The following WLS variants were observed in gnomAD, a reference collection of about 807,000 sequenced individuals.
The protein encoded by WLS is Wnt ligand secretion mediator.
In WLS, 23 loss-of-function variants were observed where a neutral mutation model predicts 62.8. That is an observed-to-expected ratio of 0.37 (90% confidence interval 0.26 to 0.52). The LOEUF (loss-of-function observed/expected upper bound fraction) is 0.52, where lower values mean the gene tolerates loss of function less well. Among genes scored for constraint, WLS ranks in the 20% least tolerant of loss-of-function variants. The probability of loss-of-function intolerance (pLI) is 0.92; values close to 1 mark genes in which losing one functional copy is unlikely to be tolerated. For synonymous variants in WLS, 246 were observed against 244.1 expected (o/e 1.01, Z -0.07); for missense variants, 615 against 697.3 (o/e 0.88, Z 1.33).
intron 2 of WLS, chr1:68,162,738 C>T: frequency 8.7e-7 from 1 of 1,144,302 alleles, no homozygotes; most frequent in Admixed American, 1.8e-5. Context: ...CAATTCCGAG[C>T]TCGCTGGCAG....
intron 11 of WLS, among the ~76,000 whole-genome samples, chr1:68,129,209 C>T (rs1646481344): frequency 6.6e-6 from 1 of 152,122 alleles, no homozygotes; most frequent in Non-Finnish European, 1.5e-5. Flanking sequence ...CTGTAAGTCC[C>T]AGCTACTCAG....
At chr1:68,116,139 G>T (rs1220465615) in intron 11 of WLS, among the ~76,000 whole-genome samples, 1 of 152,198 alleles carries the variant, frequency 6.6e-6, no homozygotes, top group Non-Finnish European at 1.5e-5. Flanking sequence ...GAGAAGCAGG[G>T]TTCACAGGAC....
intron 10 of WLS, among the ~76,000 whole-genome samples, chr1:68,139,013 T>G (rs1646650146): frequency 6.6e-6 from 1 of 152,208 alleles, no homozygotes; most frequent in Admixed American, 6.5e-5. Flanking sequence ...ATAACCCACT[T>G]GGGGCCCTAG....
intron 10 of WLS, among the ~76,000 whole-genome samples, chr1:68,144,312 A>G (rs563046709): frequency 6.6e-6 from 1 of 152,370 alleles, no homozygotes; most frequent in African/African-American, 2.4e-5. Flanking sequence ...TCATAAGTAA[A>G]TAAAATATGT....
In WLS at chr1:68,159,066, T is replaced by C. The variant is rs1045216833; in HGVS notation, c.504+57A>G. ...ACACCTATGAAAAGTAAGCAAATCTTTCCACATACCTGAGAACCAAATAAA... is the reference window on the plus strand; with the variant it reads ...ACACCTATGAAAAGTAAGCAAATCTCTCCACATACCTGAGAACCAAATAAA... On this transcript the variant is annotated intron_variant, in intron 3 of 11. Transcript: ENST00000262348. 11 of 1,604,758 alleles carry C rather than the reference T, an allele frequency of 6.9e-6. No homozygotes were observed. In the African/African-American group the frequency reaches 1.5e-4, roughly 22 times the overall value.
In WLS at chr1:68,221,382, A is replaced by G. The variant is rs191918066; in HGVS notation, c.106+10812T>C. Among the ~76,000 whole-genome samples, 20 of 152,324 alleles carry G rather than the reference A, an allele frequency of 1.3e-4. No homozygotes were observed. In the East Asian group the frequency reaches 3.5e-3, roughly 26 times the overall value. On this transcript the variant is annotated intron_variant, in intron 1 of 11. Coordinates refer to ENST00000262348, the MANE Select transcript of WLS (RefSeq NM_024911.7). Reference sequence around the variant, plus strand: ...ATTCTATAAGTGACAGCAAGGCCCAATGTGCAGTCTTTTCAAAGCCTCAGT... The same window carrying G: ...ATTCTATAAGTGACAGCAAGGCCCAGTGTGCAGTCTTTTCAAAGCCTCAGT...
Position 68,155,267 on chromosome 1 carries a change from A to T in WLS, c.505-7T>A. 6.2e-7 allele frequency: 1 copy of T among 1,608,858 alleles called. No homozygotes were observed. Among genetic ancestry groups the T allele is most frequent in the South Asian group, 1.1e-5 (1 of 90,206 alleles). On this transcript the variant is annotated splice_region_variant and splice_polypyrimidine_tract_variant and intron_variant, in intron 3 of 11. Coordinates refer to ENST00000262348, the MANE Select transcript of WLS (RefSeq NM_024911.7). ...GGCCCTCATGCTCTGGAGTCTGGAA[A>T]AAGAGCAGAGGGTTTGAGGCAGGGT...
rs754765677 is a variant in WLS, at chr1:68,137,891, C to T, written c.1405G>A (p.Val469Met). 5.0e-6 allele frequency: 8 copies of T among 1,613,998 alleles called. No homozygotes were observed. Among genetic ancestry groups the T allele is most frequent in the Non-Finnish European group, 6.8e-6 (8 of 1,179,912 alleles). ...HWKWGGVTVQ[V>M]NSAFFTGIYG... is the part of the protein sequence containing the mutation. ...ATGCCTGTGAAAAAGGCACTGTTCA[C>T]TTGGACTGTGACGCCGCCCCATTTC... is the stretch of plus-strand genomic sequence containing the variant. Residue 469 changes from valine (V) to methionine (M), a missense_variant, in exon 11 of 12, where the codon GTG (valine) becomes ATG (methionine). Val to Met is a conservative substitution (Grantham distance 21, BLOSUM62 1). Coordinates refer to ENST00000262348, the MANE Select transcript of WLS (RefSeq NM_024911.7).
At chr1:68,121,683 G>T (rs1041866279), downstream of WLS, among the ~76,000 whole-genome samples, 1 of 152,164 alleles carries the variant, frequency 6.6e-6, no homozygotes, top group African/African-American at 2.4e-5. Flanking sequence ...TGAATGTCTG[G>T]ACACACCAGC....
At chr1:68,159,861 G>GT (rs1646948654) in intron 2 of WLS, among the ~76,000 whole-genome samples, 1 of 152,162 alleles carries the variant, frequency 6.6e-6, no homozygotes, top group Non-Finnish European at 1.5e-5. Context: ...AAGGCAAAGT[G>GT]TTTTTCCAAA....
chr1:68,231,826 G>T, intron 1 of WLS: 3 of 468,260 alleles, frequency 6.4e-6, no homozygotes, highest in South Asian at 1.6e-5. Context: ...GAAGGGAACC[G>T]AGAGGAAAAG....
chr1:68,143,582 A>G (rs1646714815), intron 10 of WLS, among the ~76,000 whole-genome samples: 1 of 152,220 alleles, frequency 6.6e-6, no homozygotes, highest in African/African-American at 2.4e-5. Flanking sequence ...TTGTGTTACA[A>G]TTGCCTACAG....
intron 1 of WLS, among the ~76,000 whole-genome samples, chr1:68,223,276 A>G (rs1287584401): frequency 1.3e-5 from 2 of 152,228 alleles, no homozygotes; most frequent in Admixed American, 6.5e-5. Flanking sequence ...GTTTTCTGCA[A>G]TAACATTAAT....
intron 11 of WLS, among the ~76,000 whole-genome samples, chr1:68,117,286 C>T (rs1251579384): frequency 6.6e-6 from 1 of 152,146 alleles, no homozygotes; most frequent in Non-Finnish European, 1.5e-5. Flanking sequence ...TGCTGCTAAA[C>T]CTAGTATAAT....
At chr1:68,148,241 C>T (rs373490737) in intron 7 of WLS, 42 bp from the exon 8 acceptor site, 1 of 1,602,600 alleles carries the variant, frequency 6.2e-7, no homozygotes, top group East Asian at 2.2e-5. Context: ...ACAATTAATA[C>T]AAAGGCAACG....
chr1:68,208,465 G>C (rs1483712022), intron 1 of WLS, among the ~76,000 whole-genome samples: 2 of 152,188 alleles, frequency 1.3e-5, no homozygotes, highest in Admixed American at 6.5e-5. Context: ...GGCAGGGAGA[G>C]GGGGGCGGTT....
At chr1:68,188,683 T>C (rs900585788) in intron 2 of WLS, among the ~76,000 whole-genome samples, 5 of 152,168 alleles carry the variant, frequency 3.3e-5, no homozygotes, top group African/African-American at 1.2e-4. Context: ...CCTTCATTTG[T>C]GAGAAGAGGA....
chr1:68,222,100 A>G (rs1364903194), intron 1 of WLS, among the ~76,000 whole-genome samples: 1 of 152,228 alleles, frequency 6.6e-6, no homozygotes, highest in Non-Finnish European at 1.5e-5. Flanking sequence ...CTCCGAAAGC[A>G]CAAGAATTAG....
chr1:68,195,788 C>T (rs1450263823), intron 1 of WLS, among the ~76,000 whole-genome samples: 2 of 151,928 alleles, frequency 1.3e-5, no homozygotes, highest in African/African-American at 4.8e-5. Context: ...TCTATATTGA[C>T]TTCTATTTAT....
Sources: gnomAD v4.1 joint callset for allele counts (sites outside exome capture counted in the v4.1 genomes callset) on GRCh38, gnomAD v4.1.1 for gene constraint, MANE v1.5 for transcripts, NCBI Gene and HGNC (gene_info 2026-07-23, HGNC 2026-07-21) for gene names.